Variants in PCDH15 observed in about 807,000 individuals in gnomAD.
PCDH15 encodes protocadherin-15.
In PCDH15, 129 loss-of-function variants were observed where a neutral mutation model predicts 178.5. The observed-to-expected ratio is 0.72, with a 90% CI of 0.63 to 0.84. The LOEUF (loss-of-function observed/expected upper bound fraction) is 0.84. PCDH15 is among the 40% of genes least tolerant of loss of function. The pLI is 0.00. For missense variants in PCDH15, 2,230 were observed against 2,099.9 expected, an observed-to-expected ratio of 1.06 and a Z score of -1.21; for synonymous variants, 800 against 732.0, an observed-to-expected ratio of 1.09 and a Z score of -1.50.
chr10:54,771,503 C>A (rs768614128), intron 1 of PCDH15, among the ~76,000 whole-genome samples: 2 of 151,924 alleles, frequency 1.3e-5, no homozygotes, highest in Non-Finnish European at 2.9e-5. Flanking sequence ...ATAGTTCAAG[C>A]CAGTCAGAAT....
At chr10:54,036,019 A>G (rs2093408872) in intron 18 of PCDH15, among the ~76,000 whole-genome samples, 1 of 151,846 alleles carries the variant, frequency 6.6e-6, no homozygotes, top group Non-Finnish European at 1.5e-5. Flanking sequence ...CAAGACCTTA[A>G]CTCTCTTCCT....
chr10:53,954,216 A>G (rs1042143832), intron 23 of PCDH15, among the ~76,000 whole-genome samples: 1 of 152,218 alleles, frequency 6.6e-6, no homozygotes, highest in African/African-American at 2.4e-5. Context: ...ATTATCTGTC[A>G]TCAAAACTTC....
intron 2 of PCDH15, among the ~76,000 whole-genome samples, chr10:55,111,461 T>C (rs1040944956): frequency 6.6e-6 from 1 of 152,176 alleles, no homozygotes; most frequent in Non-Finnish European, 1.5e-5. Context: ...GGTACTTCAA[T>C]TGAAAAGTTC....
chr10:54,085,766 A>C (rs11004060), intron 16 of PCDH15, among the ~76,000 whole-genome samples: 34,663 of 152,030 alleles, frequency 0.23, 4,089 homozygotes, highest in Non-Finnish European at 0.25. Flanking sequence ...ACTTTGTAAA[A>C]CCCTACTGAC....
intron 2 of PCDH15, among the ~76,000 whole-genome samples, chr10:55,001,329 G>T (rs1041270642): frequency 6.6e-6 from 1 of 152,140 alleles, no homozygotes; most frequent in Non-Finnish European, 1.5e-5. Context: ...TGAATGGTGG[G>T]ACTAAAATAG....
At chr10:55,126,917 A>G (rs1294273113) in intron 2 of PCDH15, among the ~76,000 whole-genome samples, 1 of 134,978 alleles carries the variant, frequency 7.4e-6, no homozygotes, top group African/African-American at 2.6e-5. Context: ...AAAAAAAAAA[A>G]ATGTTTTATT....
At chr10:54,028,585 A>T (rs2093190686) in intron 18 of PCDH15, among the ~76,000 whole-genome samples, 1 of 149,812 alleles carries the variant, frequency 6.7e-6, no homozygotes, top group Non-Finnish European at 1.5e-5. Flanking sequence ...TGGCACATAT[A>T]CACCATGGAA....
chr10:54,753,009 T>C (rs576946384), intron 1 of PCDH15, among the ~76,000 whole-genome samples: 1 of 152,270 alleles, frequency 6.6e-6, no homozygotes, highest in South Asian at 2.1e-4. Flanking sequence ...CAATGAGTAG[T>C]TTTGAATTCA....
chr10:54,155,280 C>A (rs577299601), intron 13 of PCDH15, among the ~76,000 whole-genome samples: 1 of 152,036 alleles, frequency 6.6e-6, no homozygotes, highest in Admixed American at 6.6e-5. Flanking sequence ...AAGAAGGTAC[C>A]CACCTGGGAG....
intron 21 of PCDH15, among the ~76,000 whole-genome samples, chr10:53,980,281 C>T (rs1000122037): frequency 6.6e-6 from 1 of 151,072 alleles, no homozygotes. Context: ...TAAAAGTAGA[C>T]ATATATCAGT....
At chr10:55,141,859 T>TTG (rs752515564) in intron 2 of PCDH15, among the ~76,000 whole-genome samples, 62 of 35,938 alleles carry the variant, frequency 1.7e-3, no homozygotes, top group South Asian at 5.6e-3. Flanking sequence ...AAAAGGTTTA[T>TTG]TATTTTTTTT....
At chr10:53,982,365 G>A (rs1381340930) in intron 21 of PCDH15, among the ~76,000 whole-genome samples, 1 of 152,050 alleles carries the variant, frequency 6.6e-6, no homozygotes, top group Non-Finnish European at 1.5e-5. Flanking sequence ...AAAGACACAT[G>A]CACACGTATG....
In PCDH15 at chr10:53,970,122, G is replaced by A. The variant is rs570863366; in HGVS notation, c.2869-8230C>T. On this transcript the variant is annotated intron_variant, in intron 21 of 37. Coordinates refer to ENST00000644397, the MANE Select transcript of PCDH15 (RefSeq NM_001384140.1). ...GCTGTATTCAAGAGACCTATCTTATGTGCAGCGATACACATAGGCTCAAAA... is the reference window on the plus strand; with the variant it reads ...GCTGTATTCAAGAGACCTATCTTATATGCAGCGATACACATAGGCTCAAAA... 2.0e-5 allele frequency among the ~76,000 whole-genome samples: 3 copies of A among 152,072 alleles called. No individual in the cohort carries two copies. In the East Asian group the frequency reaches 5.8e-4, roughly 29 times the overall value.
At position 54,616,187 on chromosome 10, in the gene PCDH15, T is replaced by C. The variant is rs114819078; in HGVS notation, c.91+47985A>G. ...CTATATCTGTGGGTGGAATCAACAT[T>C]CAGGTTTCTGCTGTTTGATCCTGAA... On this transcript the variant is annotated intron_variant, in intron 2 of 37. Transcript: ENST00000644397. Among the ~76,000 whole-genome samples the C allele has an allele frequency of 2.1e-3, 313 of 152,186 alleles. 1 individual carries two copies. Among genetic ancestry groups the C allele is most frequent in the African/African-American group, 7.4e-3 (308 of 41,572 alleles).
chr10:55,095,423 T>C (rs1842425199), intron 2 of PCDH15, among the ~76,000 whole-genome samples: 2 of 152,074 alleles, frequency 1.3e-5, no homozygotes, highest in Non-Finnish European at 2.9e-5. Context: ...ATATTTAATT[T>C]TGAAATAAGT....
In PCDH15 at chr10:55,583,230, T is replaced by A. The variant is rs1215546093; in HGVS notation, c.-156+44395A>T. Among the ~76,000 whole-genome samples, 3 of 152,308 alleles carry A rather than the reference T, an allele frequency of 2.0e-5. No homozygotes were observed. The East Asian group carries it at 5.8e-4, about 29-fold the overall frequency. The stretch of plus-strand genomic sequence containing the variant: ...TAATGAGTACAATGGGCATTAAAAC[T>A]AATCACATGATTATAGTAAAATAAA... On this transcript the variant is annotated intron_variant, in intron 2 of 5. Transcript: ENST00000613346.
At chr10:55,171,225 C>T (rs1839324060) in intron 1 of PCDH15, among the ~76,000 whole-genome samples, 1 of 152,180 alleles carries the variant, frequency 6.6e-6, no homozygotes, top group Non-Finnish European at 1.5e-5. Flanking sequence ...GTAGTCATGT[C>T]AAAATTAATA....
intron 2 of PCDH15, among the ~76,000 whole-genome samples, chr10:55,609,661 T>C (rs1226722639): frequency 6.6e-6 from 1 of 152,070 alleles, no homozygotes; most frequent in Non-Finnish European, 1.5e-5. Flanking sequence ...GAATAATATA[T>C]ATCAAAAATC....
At chr10:54,129,156 T>G (rs1301230483) in intron 15 of PCDH15, among the ~76,000 whole-genome samples, 1 of 152,186 alleles carries the variant, frequency 6.6e-6, no homozygotes, top group Non-Finnish European at 1.5e-5. Context: ...GTCAGGTTAA[T>G]GACCAAGTGA....
Sources: allele counts gnomAD v4.1 joint callset (sites outside exome capture counted in the v4.1 genomes callset), GRCh38; gene constraint gnomAD v4.1.1; transcripts MANE v1.5; gene names NCBI Gene and HGNC (gene_info 2026-07-23, HGNC 2026-07-21).